GULP1: variants seen among roughly 807,000 people sequenced by gnomAD.
GULP1 encodes the protein GULP PTB domain containing engulfment adaptor 1.
A neutral mutation model predicts 40.9 loss-of-function variants in GULP1; 19 were observed. That is an observed-to-expected ratio of 0.46 (90% confidence interval 0.32 to 0.68). GULP1 has a LOEUF of 0.68. Among genes scored for constraint, GULP1 ranks in the 30% least tolerant of loss-of-function variants. GULP1 has a pLI of 0.03. For missense variants in GULP1, 312 were observed against 362.2 expected, an observed-to-expected ratio of 0.86 and a Z score of 1.12; for synonymous variants, 119 against 117.6, an observed-to-expected ratio of 1.01 and a Z score of -0.08.
At chr2:188,342,947 C>T (rs969979062) in intron 1 of GULP1, among the ~76,000 whole-genome samples, 8 of 152,028 alleles carry the variant, frequency 5.3e-5, no homozygotes, top group African/African-American at 1.4e-4. Flanking sequence ...AAAACAGTTA[C>T]GTAGACTGCT....
chr2:188,417,069 G>A (rs916825663), intron 2 of GULP1, among the ~76,000 whole-genome samples: 5 of 152,150 alleles, frequency 3.3e-5, no homozygotes, highest in Non-Finnish European at 7.4e-5. Context: ...AGGAATCCAT[G>A]CATCAAAATA....
rs1252217794 is a variant in GULP1 at position 188,595,071 on chromosome 2, A to C, written c.*1060A>C. 1 of 151,540 alleles carries C rather than the reference A, an allele frequency of 6.6e-6. No individual in the cohort carries two copies. The highest frequency in any genetic ancestry group is 1.5e-5 in the Non-Finnish European group (1 of 67,684). The allele number at this position is 151,540 out of a possible 1,614,324, so 9.4% of individuals were successfully genotyped here. On this transcript the variant is annotated 3_prime_UTR_variant, in exon 12 of 12. Transcript: ENST00000409830. ...AAATCTCATTTTCCAAAAAAAAAAA[A>C]AAAACCCAGTTACTGCTCAGTTTAG...
intron 2 of GULP1, among the ~76,000 whole-genome samples, chr2:188,405,827 C>T (rs537657372): frequency 2.0e-4 from 31 of 152,334 alleles, no homozygotes; most frequent in Non-Finnish European, 4.0e-4. Context: ...CCAAACAAAA[C>T]TAGTCTGCAA....
intron 9 of GULP1, among the ~76,000 whole-genome samples, chr2:188,580,149 T>G (rs1282191489): frequency 6.6e-6 from 1 of 152,202 alleles, no homozygotes; most frequent in Non-Finnish European, 1.5e-5. Context: ...AATCTGTAAT[T>G]AAAAGGTGGC....
intron 7 of GULP1, among the ~76,000 whole-genome samples, 170 bp from the exon 8 acceptor site, chr2:188,569,069 A>G (rs1348754639): frequency 2.0e-5 from 3 of 152,062 alleles, no homozygotes; most frequent in Non-Finnish European, 4.4e-5. Context: ...GAGTTATTAC[A>G]TTAGCCTACT....
intron 1 of GULP1, among the ~76,000 whole-genome samples, chr2:188,329,796 C>T (rs889474880): frequency 6.6e-6 from 1 of 151,920 alleles, no homozygotes; most frequent in South Asian, 2.1e-4. Flanking sequence ...CGATGGGGTT[C>T]GTGATGTATT....
chr2:188,422,525 G>A (rs930847997), intron 2 of GULP1, among the ~76,000 whole-genome samples: 9 of 151,702 alleles, frequency 5.9e-5, no homozygotes, highest in South Asian at 2.1e-4. Flanking sequence ...ACTATTTAGC[G>A]AACATGTAAT....
At chr2:188,515,190 T>G (rs2065049504) in intron 4 of GULP1, among the ~76,000 whole-genome samples, 1 of 152,162 alleles carries the variant, frequency 6.6e-6, no homozygotes, top group Non-Finnish European at 1.5e-5. Context: ...CATCTTGTAA[T>G]TTTATTTGCT....
Position 188,393,191 on chromosome 2 carries a change from C to T in GULP1, c.-45+9302C>T, listed in dbSNP as rs375708915. Among the ~76,000 whole-genome samples the T allele has an allele frequency of 3.2e-4, 49 of 151,572 alleles. 1 individual carries two copies. The South Asian group carries it at 7.7e-3, about 24-fold the overall frequency. On this transcript the variant is annotated intron_variant, in intron 2 of 11. Coordinates refer to ENST00000409830, the MANE Select transcript of GULP1 (RefSeq NM_016315.4). ...TCAGTGCCACGTTGAAGTCCCCCCG[C>T]GATTACTATGTTGCTACCCATCTCA...
chr2:188,533,063 A>C (rs1278229736), intron 6 of GULP1, among the ~76,000 whole-genome samples: 1 of 152,172 alleles, frequency 6.6e-6, no homozygotes, highest in Admixed American at 6.5e-5. Flanking sequence ...AACCCAATTG[A>C]CCAATAACTT....
At chr2:188,559,071 G>A (rs1000625913) in intron 7 of GULP1, among the ~76,000 whole-genome samples, 6 of 152,312 alleles carry the variant, frequency 3.9e-5, no homozygotes, top group East Asian at 1.9e-4. Context: ...ATGAGGAGCC[G>A]AATGTTAATC....
At chr2:188,310,728 C>A (rs1424508142) in intron 1 of GULP1, among the ~76,000 whole-genome samples, 2 of 151,950 alleles carry the variant, frequency 1.3e-5, no homozygotes, top group African/African-American at 2.4e-5. Context: ...TGAAGTCATA[C>A]CCCTGAGAGC....
At chr2:188,522,071 G>A (rs556192453) in intron 4 of GULP1, among the ~76,000 whole-genome samples, 9 of 152,274 alleles carry the variant, frequency 5.9e-5, no homozygotes, top group Non-Finnish European at 1.3e-4. Flanking sequence ...GTGAGACTCC[G>A]TCTCAAAAAC....
At chr2:188,330,625 T>C (rs1230552177) in intron 1 of GULP1, among the ~76,000 whole-genome samples, 1 of 152,202 alleles carries the variant, frequency 6.6e-6, no homozygotes, top group African/African-American at 2.4e-5. Flanking sequence ...TTTAGTATTT[T>C]GAATAAAAGG....
intron 2 of GULP1, among the ~76,000 whole-genome samples, chr2:188,446,696 C>T (rs1414342630): frequency 6.6e-6 from 1 of 152,170 alleles, no homozygotes; most frequent in Non-Finnish European, 1.5e-5. Context: ...ACATGTTTAT[C>T]AAGCAGGACT....
intron 2 of GULP1, among the ~76,000 whole-genome samples, chr2:188,458,331 A>T (rs140066471): frequency 6.6e-6 from 1 of 152,070 alleles, no homozygotes; most frequent in African/African-American, 2.4e-5. Context: ...TACATATTCA[A>T]TAGCTCCCCC....
chr2:188,538,919 C>A (rs908984265), intron 6 of GULP1, among the ~76,000 whole-genome samples: 2 of 151,862 alleles, frequency 1.3e-5, no homozygotes, highest in African/African-American at 4.8e-5. Flanking sequence ...TATAGTTAAA[C>A]ATACATATAT....
intron 4 of GULP1, among the ~76,000 whole-genome samples, chr2:188,520,664 T>A (rs1427427498): frequency 1.3e-5 from 2 of 152,160 alleles, no homozygotes; most frequent in Non-Finnish European, 2.9e-5. Flanking sequence ...AGTTGTTGCC[T>A]GTATTTTCAA....
chr2:188,385,124 A>T (rs2049514977), intron 2 of GULP1, among the ~76,000 whole-genome samples: 1 of 152,120 alleles, frequency 6.6e-6, no homozygotes, highest in African/African-American at 2.4e-5. Flanking sequence ...TGCCTTCCAC[A>T]CTGCCCTAGG....
Sources: gnomAD v4.1 joint callset for allele counts (sites outside exome capture counted in the v4.1 genomes callset) on GRCh38, gnomAD v4.1.1 for gene constraint, MANE v1.5 for transcripts, NCBI Gene and HGNC (gene_info 2026-07-23, HGNC 2026-07-21) for gene names.